ZNF251: variants seen among roughly 807,000 people sequenced by gnomAD.
ZNF251 encodes zinc finger protein 251.
ZNF251 carries 14 observed loss-of-function variants against 13.5 expected under a neutral mutation model. That is an observed-to-expected ratio of 1.04 (90% confidence interval 0.69 to 1.63). The LOEUF is 1.63. Ranked by LOEUF, ZNF251 falls within the 40% of genes most tolerant of loss-of-function variation. The probability of loss-of-function intolerance (pLI) is 0.00; values close to 1 mark genes in which losing one functional copy is unlikely to be tolerated. For synonymous variants in ZNF251, 287 were observed against 295.2 expected, an observed-to-expected ratio of 0.97 and a Z score of 0.28; for missense variants, 764 against 834.9, an observed-to-expected ratio of 0.92 and a Z score of 1.05.
In ZNF251 at chr8:144,736,063, C is replaced by CTTA. The variant is rs1823879837; in HGVS notation, c.278-12682_278-12681insTAA. Among the ~76,000 whole-genome samples, 11 of 152,320 alleles carry CTTA rather than the reference C, an allele frequency of 7.2e-5. No individual in the cohort carries two copies. In the South Asian group the frequency reaches 2.3e-3, roughly 32 times the overall value. ...AGAACCGGACCCTCATGGGCCCCCACGCTGGGCGGCTGTGCCCAACGCCCT... is the reference window on the plus strand; with the variant it reads ...AGAACCGGACCCTCATGGGCCCCCACTTAGCTGGGCGGCTGTGCCCAACGCCCT... On this transcript the variant is annotated intron_variant, in intron 4 of 4. Coordinates refer to ENST00000292562, the MANE Select transcript of ZNF251 (RefSeq NM_138367.2).
chr8:144,740,849 C>T (rs893992096), intron 4 of ZNF251, among the ~76,000 whole-genome samples: 10 of 152,022 alleles, frequency 6.6e-5, no homozygotes, highest in African/African-American at 2.4e-4. Context: ...AGGAGAATCA[C>T]TTGAACCTGG....
At chr8:144,754,510 C>T (rs1824861738) in intron 2 of ZNF251, 186 bp downstream of exon 2, 2 of 1,448,506 alleles carry the variant, frequency 1.4e-6, no homozygotes, top group African/African-American at 2.9e-5. Flanking sequence ...CACGGGGACC[C>T]AGCTGAGCTC....
intron 4 of ZNF251, chr8:144,738,780 G>A (rs772335355): frequency 2.5e-5 from 25 of 984,808 alleles, no homozygotes; most frequent in Non-Finnish European, 2.7e-5. Flanking sequence ...AAACAGCACA[G>A]TTCTCTCATT....
rs141217344 is a variant in ZNF251, at chr8:144,748,533, T to C, written c.277+5150A>G. Among the ~76,000 whole-genome samples, 711 of 152,186 alleles carry C rather than the reference T, an allele frequency of 4.7e-3. 3 individuals are homozygous for C. Among genetic ancestry groups the C allele is most frequent in the African/African-American group, 0.015 (641 of 41,514 alleles). Reference sequence around the variant, plus strand: ...AGTGGGCTTCTTTTCTTTTTTTTTGTTCATGGCAAGATCTTGTCATGAGAC... The same window carrying C: ...AGTGGGCTTCTTTTCTTTTTTTTTGCTCATGGCAAGATCTTGTCATGAGAC... On this transcript the variant is annotated intron_variant, in intron 4 of 4. Transcript: ENST00000292562.
At chr8:144,737,018 G>A (rs530255198) in intron 4 of ZNF251, among the ~76,000 whole-genome samples, 1 of 151,836 alleles carries the variant, frequency 6.6e-6, no homozygotes, top group East Asian at 1.9e-4. Flanking sequence ...TGGCCAGGCT[G>A]GTCTTGAATT....
Position 144,754,249 on chromosome 8 carries a change from G to A in ZNF251, c.106C>T (p.Gln36Ter). 6.2e-7 allele frequency: 1 copy of A among 1,613,992 alleles called. No individual in the cohort carries two copies. The highest frequency in any genetic ancestry group is 8.5e-7 in the Non-Finnish European group (1 of 1,179,954). Residue 36 changes from glutamine (Q) to a stop codon, truncating the protein, a stop_gained, in exon 3 of 5, where the codon CAG becomes TAG. Coordinates refer to ENST00000292562, the MANE Select transcript of ZNF251 (RefSeq NM_138367.2). LOFTEE classifies it high-confidence loss of function. ...ATCACATCCCGGTAGAGCGCCCGCTGCTGGGGGCCCAGCTGCCGCCCCTCC... is the reference window on the plus strand; with the variant it reads ...ATCACATCCCGGTAGAGCGCCCGCTACTGGGGGCCCAGCTGCCGCCCCTCC... ...QAEGRQLGPQ[Q>*]RALYRDVMLE... is the part of the protein sequence containing the mutation.
intron 4 of ZNF251, among the ~76,000 whole-genome samples, chr8:144,727,337 G>A (rs1490444499): frequency 2.0e-5 from 3 of 152,192 alleles, no homozygotes; most frequent in Non-Finnish European, 4.4e-5. Context: ...TTTGAAGCCA[G>A]GCATTGCCTT....
chr8:144,730,880 G>A (rs1823673592), intron 4 of ZNF251, among the ~76,000 whole-genome samples: 1 of 152,196 alleles, frequency 6.6e-6, no homozygotes, highest in Non-Finnish European at 1.5e-5. Flanking sequence ...TCTTTCCCCA[G>A]TTGGCTGACA....
At chr8:144,744,284 G>A (rs552430484) in intron 4 of ZNF251, among the ~76,000 whole-genome samples, 23 of 152,112 alleles carry the variant, frequency 1.5e-4, no homozygotes, top group Non-Finnish European at 3.1e-4. Flanking sequence ...AGTTGATGCC[G>A]TCTTTTACAG....
intron 4 of ZNF251, among the ~76,000 whole-genome samples, chr8:144,737,526 C>CA (rs1451126494): frequency 3.8e-4 from 55 of 145,846 alleles, no homozygotes; most frequent in African/African-American, 1.3e-3. Flanking sequence ...AACAAACAAA[C>CA]AAACAAAAAA....
At chr8:144,726,651 A>G (rs1226748600) in intron 4 of ZNF251, among the ~76,000 whole-genome samples, 1 of 152,118 alleles carries the variant, frequency 6.6e-6, no homozygotes, top group Non-Finnish European at 1.5e-5. Context: ...CGGGTGGATC[A>G]CAAGGTCAGG....
chr8:144,754,528 C>G (rs1002792833), intron 2 of ZNF251, 168 bp downstream of exon 2: 1 of 1,449,800 alleles, frequency 6.9e-7, no homozygotes, highest in African/African-American at 1.4e-5. Flanking sequence ...CTCAGAGCCC[C>G]TCTCCCTGCA....
At chr8:144,737,698 G>A (rs1242321460) in intron 4 of ZNF251, among the ~76,000 whole-genome samples, 2 of 149,560 alleles carry the variant, frequency 1.3e-5, no homozygotes, top group Non-Finnish European at 3.0e-5. Context: ...CAGGCGTGGT[G>A]GCAGGCGCCT....
chr8:144,748,811 C>T (rs2467667), intron 4 of ZNF251, among the ~76,000 whole-genome samples: 67,998 of 151,984 alleles, frequency 0.45, 15,930 homozygotes, highest in Middle Eastern at 0.55. Context: ...GATCCTCCCA[C>T]CTCGGCCTCC....
At chr8:144,732,750 T>C (rs564054311) in intron 4 of ZNF251, among the ~76,000 whole-genome samples, 15 of 149,440 alleles carry the variant, frequency 1.0e-4, no homozygotes, top group East Asian at 6.0e-4. Context: ...AGGCGGAGCT[T>C]GCAGTGAGCC....
chr8:144,755,456 G>A lies in ZNF251; in HGVS notation c.-127C>T. ...CGAGGAAGCGCCGAGGAGCTGCGCA[G>A]TCGCACCGAGCCCGGAACGGACCCT... is the stretch of plus-strand genomic sequence containing the variant. On this transcript the variant is annotated 5_prime_UTR_variant, in exon 1 of 5. Coordinates refer to ENST00000292562, the MANE Select transcript of ZNF251 (RefSeq NM_138367.2). The A allele has an allele frequency of 7.8e-7, 1 of 1,287,806 alleles. No homozygotes were observed. The highest frequency in any genetic ancestry group is 1.0e-6 in the Non-Finnish European group (1 of 988,788). 79.8% of individuals were successfully genotyped at this position (1,287,806 alleles called of 1,614,324 possible).
chr8:144,744,009 C>CT (rs1168495446), intron 4 of ZNF251, among the ~76,000 whole-genome samples: 3,951 of 88,886 alleles, frequency 0.044, 181 homozygotes, highest in Non-Finnish European at 0.06. Flanking sequence ...CTCTCGTTGT[C>CT]TTTTTTTTTT....
intron 4 of ZNF251, among the ~76,000 whole-genome samples, chr8:144,746,574 C>T (rs926873586): frequency 6.6e-6 from 1 of 152,144 alleles, no homozygotes; most frequent in Non-Finnish European, 1.5e-5. Context: ...ATAATTTCTT[C>T]CTTAAATGTT....
chr8:144,732,586 G>C (rs1042006729), intron 4 of ZNF251, among the ~76,000 whole-genome samples: 39 of 151,972 alleles, frequency 2.6e-4, no homozygotes, highest in African/African-American at 9.4e-4. Context: ...GCCAAGGCGG[G>C]GGAATCACGA....
Sources: gnomAD v4.1 joint callset for allele counts (sites outside exome capture counted in the v4.1 genomes callset) on GRCh38, gnomAD v4.1.1 for gene constraint, MANE v1.5 for transcripts, NCBI Gene and HGNC (gene_info 2026-07-23, HGNC 2026-07-21) for gene names.